The following FGF14 variants were observed in gnomAD, a reference collection of about 807,000 sequenced individuals.
FGF14 encodes the protein fibroblast growth factor 14.
Under a neutral mutation model 25.5 loss-of-function variants are expected in FGF14, and 5 were observed. The ratio of observed to expected loss-of-function variants is 0.20; its 90% confidence interval spans 0.10 to 0.41. The LOEUF (loss-of-function observed/expected upper bound fraction) is 0.41, where lower values mean the gene tolerates loss of function less well. Ranked by LOEUF, FGF14 falls within the 10% of genes least tolerant of loss-of-function variation. FGF14 has a pLI of 1.00. For missense variants in FGF14, 222 were observed against 320.1 expected, an observed-to-expected ratio of 0.69 and a Z score of 2.34; for synonymous variants, 138 against 118.3, an observed-to-expected ratio of 1.17 and a Z score of -1.08.
intron 1 of FGF14, among the ~76,000 whole-genome samples, chr13:102,112,348 C>G (rs953851033): frequency 6.6e-6 from 1 of 152,134 alleles, no homozygotes; most frequent in Non-Finnish European, 1.5e-5. Context: ...GGTCCCCCGC[C>G]TTCTCCACAC....
chr13:102,138,165 T>G (rs1324356478), intron 1 of FGF14, among the ~76,000 whole-genome samples: 1 of 140,390 alleles, frequency 7.1e-6, no homozygotes, highest in Non-Finnish European at 1.6e-5. Context: ...CTTACCCACT[T>G]GAAGGATGTG....
chr13:101,836,759 G>A (rs1343029286), intron 3 of FGF14, among the ~76,000 whole-genome samples: 1 of 151,642 alleles, frequency 6.6e-6, no homozygotes, highest in Non-Finnish European at 1.5e-5. Context: ...TTATTTTATT[G>A]TCCTATTGCA....
At chr13:101,906,488 C>T (rs554069994) in intron 1 of FGF14, among the ~76,000 whole-genome samples, 14 of 152,152 alleles carry the variant, frequency 9.2e-5, no homozygotes, top group Admixed American at 6.5e-4. Flanking sequence ...AGACATTAAG[C>T]AATGAGAATC....
chr13:102,196,711 A>G (rs2049369101), intron 1 of FGF14, among the ~76,000 whole-genome samples: 2 of 152,330 alleles, frequency 1.3e-5, no homozygotes, highest in African/African-American at 4.8e-5. Context: ...CTACCCTTTT[A>G]GCAATTTTGA....
intron 1 of FGF14, among the ~76,000 whole-genome samples, chr13:101,965,257 A>AAT (rs1225390052): frequency 6.8e-6 from 1 of 147,626 alleles, no homozygotes; most frequent in Non-Finnish European, 1.5e-5. Context: ...AAAAAAAAAA[A>AAT]AAAACCTCCT....
intron 1 of FGF14, among the ~76,000 whole-genome samples, chr13:102,167,312 CA>C (rs10689114): frequency 8.4e-4 from 61 of 72,750 alleles, no homozygotes; most frequent in African/African-American, 1.3e-3. Flanking sequence ...CACTCCATCT[CA>C]AAAAAAAAAA....
chr13:101,984,514 T>C (rs2038453022), intron 1 of FGF14, among the ~76,000 whole-genome samples: 1 of 152,202 alleles, frequency 6.6e-6, no homozygotes, highest in African/African-American at 2.4e-5. Context: ...GAATAAAATA[T>C]ATTTTACTAA....
chr13:102,161,574 A>AAGAGGAAGAAGAAGAGGAAGAAGAAGAGG, intron 1 of FGF14, among the ~76,000 whole-genome samples: 1 of 5,314 alleles, frequency 1.9e-4, no homozygotes. Flanking sequence ...GTGAAGAAAG[A>AAGAGGAAGAAGAAGAGGAAGAAGAAGAGG]AAGAAGAAGA....
chr13:101,916,981 G>A (rs1308771022), upstream of FGF14, among the ~76,000 whole-genome samples: 1 of 151,732 alleles, frequency 6.6e-6, no homozygotes, highest in African/African-American at 2.4e-5. Context: ...CAGGAACCCC[G>A]GCGGGGGTCG....
intron 1 of FGF14, among the ~76,000 whole-genome samples, chr13:102,000,584 A>C (rs1926018): frequency 0.39 from 58,790 of 151,780 alleles, 11,961 homozygotes; most frequent in East Asian, 0.7. Flanking sequence ...AAAGAAAAAA[A>C]GGTATCTGAA....
At chr13:102,342,662 A>C (rs1484911030) in intron 1 of FGF14, among the ~76,000 whole-genome samples, 2 of 152,180 alleles carry the variant, frequency 1.3e-5, no homozygotes, top group African/African-American at 4.8e-5. Context: ...TCAAGGAACA[A>C]AATAACAGAA....
intron 1 of FGF14, among the ~76,000 whole-genome samples, chr13:102,329,409 A>G (rs184534439): frequency 1.3e-5 from 2 of 152,228 alleles, no homozygotes; most frequent in African/African-American, 4.8e-5. Context: ...CGAAAGACCT[A>G]TAGCTCTTCT....
At chr13:101,819,451 T>C (rs145913133) in intron 3 of FGF14, among the ~76,000 whole-genome samples, 104 of 152,306 alleles carry the variant, frequency 6.8e-4, no homozygotes, top group African/African-American at 2.3e-3. Context: ...TCAATGTGAA[T>C]AGGAGAGAAA....
chr13:102,022,582 G>T (rs903051664), intron 1 of FGF14, among the ~76,000 whole-genome samples: 12 of 152,090 alleles, frequency 7.9e-5, no homozygotes, highest in Admixed American at 5.9e-4. Flanking sequence ...GGATGCCAGA[G>T]AACATAAATA....
At chr13:102,028,675 T>C (rs1462082672) in intron 1 of FGF14, among the ~76,000 whole-genome samples, 1 of 152,072 alleles carries the variant, frequency 6.6e-6, no homozygotes, top group African/African-American at 2.4e-5. Context: ...GGTATTATAC[T>C]GACCCCAAGT....
intron 1 of FGF14, among the ~76,000 whole-genome samples, chr13:101,914,138 T>C (rs1246317729): frequency 6.6e-6 from 1 of 151,610 alleles, no homozygotes; most frequent in Non-Finnish European, 1.5e-5. Context: ...ATGTAAAGAG[T>C]GTGTAATAAG....
chr13:102,112,041 T>G (rs143736708), intron 1 of FGF14, among the ~76,000 whole-genome samples: 99 of 152,360 alleles, frequency 6.5e-4, no homozygotes, highest in Non-Finnish European at 1.2e-3. Flanking sequence ...AAGTCTAACA[T>G]ACTTTAAACC....
chr13:101,848,639 T>C (rs142742316), intron 3 of FGF14, among the ~76,000 whole-genome samples: 46 of 152,126 alleles, frequency 3.0e-4, no homozygotes, highest in Admixed American at 7.9e-4. Flanking sequence ...TGAAAGTCAC[T>C]CTGGGCTGGA....
At chr13:102,047,817 CTT>C (rs2042054256) in intron 1 of FGF14, among the ~76,000 whole-genome samples, 1 of 152,026 alleles carries the variant, frequency 6.6e-6, no homozygotes, top group South Asian at 2.1e-4. Flanking sequence ...TACCCTAAAA[CTT>C]AAAGTATAAT....
Sources: allele counts gnomAD v4.1 joint callset (sites outside exome capture counted in the v4.1 genomes callset), GRCh38; gene constraint gnomAD v4.1.1; transcripts MANE v1.5; gene names NCBI Gene and HGNC (gene_info 2026-07-23, HGNC 2026-07-21).